The following NRG1 variants were observed in gnomAD, a reference collection of about 807,000 sequenced individuals.
NRG1 encodes the protein neuregulin 1, also known as pro-neuregulin-1, membrane-bound isoform.
A neutral mutation model predicts 63.8 loss-of-function variants in NRG1; 18 were observed. The observed-to-expected ratio is 0.28, with a 90% CI of 0.19 to 0.42. The LOEUF (loss-of-function observed/expected upper bound fraction) is 0.42. Among genes scored for constraint, NRG1 ranks in the 10% least tolerant of loss-of-function variants. The pLI, the probability that NRG1 is intolerant of heterozygous loss-of-function variation, is 1.00. For missense variants in NRG1, 762 were observed against 814.7 expected, an observed-to-expected ratio of 0.94 and a Z score of 0.79; for synonymous variants, 302 against 301.3, an observed-to-expected ratio of 1.00 and a Z score of -0.02.
chr8:32,107,545 A>G (rs934945557), intron 1 of NRG1, among the ~76,000 whole-genome samples: 2 of 152,198 alleles, frequency 1.3e-5, no homozygotes, highest in Non-Finnish European at 2.9e-5. Context: ...TAAGAGTTAG[A>G]GTTAATCATT....
intron 1 of NRG1, among the ~76,000 whole-genome samples, chr8:31,769,135 T>A (rs1366729591): frequency 6.6e-6 from 1 of 152,188 alleles, no homozygotes; most frequent in Non-Finnish European, 1.5e-5. Context: ...ATCATAACAT[T>A]TTTTGCTGAA....
chr8:31,960,650 G>A (rs1805294774), intron 1 of NRG1, among the ~76,000 whole-genome samples: 1 of 152,194 alleles, frequency 6.6e-6, no homozygotes, highest in African/African-American at 2.4e-5. Context: ...ACTTTTGGCA[G>A]CTTGTTGTCA....
At chr8:32,466,123 C>T (rs1426231752) in intron 1 of NRG1, among the ~76,000 whole-genome samples, 1 of 152,132 alleles carries the variant, frequency 6.6e-6, no homozygotes, top group Non-Finnish European at 1.5e-5. Context: ...GGCAACATGG[C>T]GAGACTCCAT....
At chr8:31,842,404 C>A (rs929824673) in intron 1 of NRG1, among the ~76,000 whole-genome samples, 10 of 152,282 alleles carry the variant, frequency 6.6e-5, no homozygotes, top group Admixed American at 6.5e-4. Context: ...AATTAGTAAG[C>A]AACAAACTGA....
chr8:31,679,619 A>G (rs1808106698), intron 1 of NRG1, among the ~76,000 whole-genome samples: 1 of 152,168 alleles, frequency 6.6e-6, no homozygotes, highest in African/African-American at 2.4e-5. Flanking sequence ...GAAACATTGA[A>G]AGTATTCTTT....
At chr8:32,401,203 T>A (rs974237057) in intron 1 of NRG1, among the ~76,000 whole-genome samples, 3 of 152,022 alleles carry the variant, frequency 2.0e-5, no homozygotes, top group African/African-American at 7.3e-5. Context: ...CTATGCTTAT[T>A]ACCTGGGCGA....
rs1803691705 is a variant in NRG1, at chr8:31,640,811, G to A, written c.37+1380G>A. On this transcript the variant is annotated intron_variant, in intron 1 of 10. Transcript: ENST00000519301. This position sits in a 1 kb window ranked among gnomAD's most constrained non-coding sequence, Gnocchi z 6.3. ...GCGCGGGCAGCGGGGCTCGACGGCC[G>A]CCCGAGCAAGGCAGAGGCGCTCTGG... 4 of 1,430,232 alleles carry A rather than the reference G, an allele frequency of 2.8e-6. No homozygotes were observed. Among genetic ancestry groups the A allele is most frequent in the Non-Finnish European group, 3.7e-6 (4 of 1,093,542 alleles). The allele number at this position is 1,430,232 out of a possible 1,614,324, so 88.6% of individuals were successfully genotyped here.
intron 1 of NRG1, among the ~76,000 whole-genome samples, chr8:32,365,762 C>T (rs1807887126): frequency 6.6e-6 from 1 of 152,170 alleles, no homozygotes; most frequent in African/African-American, 2.4e-5. Flanking sequence ...TGTAGACACA[C>T]AGGCAGCAGG....
At chr8:32,268,208 G>A (rs1262256103) in intron 1 of NRG1, among the ~76,000 whole-genome samples, 1 of 152,204 alleles carries the variant, frequency 6.6e-6, no homozygotes, top group Non-Finnish European at 1.5e-5. Context: ...AGCCTCAAAT[G>A]AGACTGCAGC....
intron 1 of NRG1, among the ~76,000 whole-genome samples, chr8:31,708,224 A>G (rs1395380647): frequency 6.6e-6 from 1 of 152,134 alleles, no homozygotes; most frequent in Non-Finnish European, 1.5e-5. Context: ...AGTAAAAGTG[A>G]TACTTGCCAT....
intron 1 of NRG1, among the ~76,000 whole-genome samples, chr8:31,880,506 G>C (rs1830270054): frequency 6.6e-6 from 1 of 152,142 alleles, no homozygotes; most frequent in Non-Finnish European, 1.5e-5. Flanking sequence ...TATCACACAA[G>C]ATTTTCTGTG....
intron 1 of NRG1, among the ~76,000 whole-genome samples, chr8:32,421,433 A>G (rs118033195): frequency 0.01 from 1,526 of 152,232 alleles, 12 homozygotes; most frequent in Non-Finnish European, 0.016. Context: ...TCTCTTTCAA[A>G]TGGGAGATAA....
intron 1 of NRG1, among the ~76,000 whole-genome samples, chr8:32,531,156 A>G (rs1831417869): frequency 6.6e-6 from 1 of 152,120 alleles, no homozygotes; most frequent in Admixed American, 6.5e-5. Flanking sequence ...AGGAGAGAAA[A>G]GAGAGAAAAG....
At chr8:31,924,773 A>G (rs969273066) in intron 1 of NRG1, among the ~76,000 whole-genome samples, 5 of 151,892 alleles carry the variant, frequency 3.3e-5, no homozygotes, top group Non-Finnish European at 5.9e-5. Context: ...AGTTTCAGCT[A>G]CTTTCCCTAG....
rs1019690915 is a variant in NRG1 at position 32,176,823 on chromosome 8, A to G, written c.38-419005A>G. ...GAATGGCAATCATTAAAAAGTCAGG[A>G]AACAACAGGTGCTGGAGAGGATGTG... On this transcript the variant is annotated intron_variant, in intron 1 of 10. Transcript: ENST00000519301. Among the ~76,000 whole-genome samples the G allele has an allele frequency of 1.5e-4, 23 of 152,270 alleles. 2 individuals carry two copies. The highest frequency in any genetic ancestry group is 5.3e-4 in the African/African-American group (22 of 41,548).
intron 1 of NRG1, among the ~76,000 whole-genome samples, chr8:32,453,793 A>G (rs62500182): frequency 0.013 from 1,906 of 152,218 alleles, 12 homozygotes; most frequent in Non-Finnish European, 0.021. Context: ...GTTCCTTTTA[A>G]CCCTGCTAGG....
At chr8:32,166,967 G>T (rs1432709237) in intron 1 of NRG1, among the ~76,000 whole-genome samples, 1 of 152,160 alleles carries the variant, frequency 6.6e-6, no homozygotes, top group East Asian at 1.9e-4. Context: ...TTCATTGCAA[G>T]GCAAAAGTTC....
At chr8:32,170,341 T>C (rs1023365123) in intron 1 of NRG1, among the ~76,000 whole-genome samples, 7 of 152,204 alleles carry the variant, frequency 4.6e-5, no homozygotes, top group Non-Finnish European at 8.8e-5. Context: ...CGTATGCTGA[T>C]GGCAGAGAAA....
chr8:32,032,341 G>T (rs541910509), intron 1 of NRG1, among the ~76,000 whole-genome samples: 3 of 151,824 alleles, frequency 2.0e-5, no homozygotes, highest in East Asian at 1.9e-4. Flanking sequence ...TTAGCTCACC[G>T]CAATCTCCAC....
Sources: allele counts gnomAD v4.1 joint callset (sites outside exome capture counted in the v4.1 genomes callset), GRCh38; gene constraint gnomAD v4.1.1; non-coding constraint Gnocchi (gnomAD v3.1); transcripts MANE v1.5; gene names NCBI Gene and HGNC (gene_info 2026-07-23, HGNC 2026-07-21).